The following CSMD1 variants were observed in gnomAD, a reference collection of about 807,000 sequenced individuals.
CSMD1 encodes CUB and sushi domain-containing protein 1.
In CSMD1, 213 loss-of-function variants were observed where a neutral mutation model predicts 417.5. That is an observed-to-expected ratio of 0.51 (90% CI 0.46 to 0.57). The LOEUF (loss-of-function observed/expected upper bound fraction) is 0.57. CSMD1 is among the 20% of genes least tolerant of loss of function. The pLI, the probability that CSMD1 is intolerant of heterozygous loss-of-function variation, is 0.00. For synonymous variants in CSMD1, 2,862 were observed against 1,736.8 expected, an observed-to-expected ratio of 1.65 and a Z score of -16.11; for missense variants, 6,923 against 4,529.7, an observed-to-expected ratio of 1.53 and a Z score of -15.17.
At chr8:3,313,193 C>T (rs927563513) in intron 23 of CSMD1, among the ~76,000 whole-genome samples, 4 of 152,152 alleles carry the variant, frequency 2.6e-5, no homozygotes, top group African/African-American at 9.7e-5. Context: ...CAATACCATT[C>T]AGGACATAGG....
intron 1 of CSMD1, among the ~76,000 whole-genome samples, chr8:4,831,237 G>T (rs993536399): frequency 3.3e-5 from 5 of 152,196 alleles, no homozygotes; most frequent in Non-Finnish European, 5.9e-5. Flanking sequence ...AAAAGAGGGA[G>T]AATTACAAGA....
At chr8:4,227,464 A>G (rs184765760) in intron 3 of CSMD1, among the ~76,000 whole-genome samples, 6 of 152,220 alleles carry the variant, frequency 3.9e-5, no homozygotes, top group Admixed American at 2.6e-4. Flanking sequence ...CAGAACAAGA[A>G]AAGTTTCTGA....
At chr8:4,597,742 T>A (rs1423970683) in intron 2 of CSMD1, among the ~76,000 whole-genome samples, 1 of 152,152 alleles carries the variant, frequency 6.6e-6, no homozygotes, top group Non-Finnish European at 1.5e-5. Context: ...AGTTTAGCTT[T>A]TCTTCTACTT....
intron 1 of CSMD1, among the ~76,000 whole-genome samples, chr8:4,898,643 T>C (rs565039203): frequency 3.7e-4 from 57 of 152,090 alleles, no homozygotes; most frequent in Non-Finnish European, 5.9e-4. Flanking sequence ...TTATGAAAAA[T>C]TTTTATGAAA....
intron 23 of CSMD1, 148 bp from the exon 24 acceptor site, chr8:3,308,651 T>C (rs1057145289): frequency 8.0e-6 from 5 of 625,660 alleles, no homozygotes; most frequent in African/African-American, 7.4e-5. Context: ...AAAAGAAAGA[T>C]GGGTCTGTAC....
chr8:4,084,392 T>G (rs1442839582), intron 3 of CSMD1, among the ~76,000 whole-genome samples: 1 of 152,170 alleles, frequency 6.6e-6, no homozygotes, highest in Non-Finnish European at 1.5e-5. Context: ...AATATGCGAT[T>G]TAAATTTTTT....
At chr8:4,698,198 T>A (rs1194180332) in intron 1 of CSMD1, among the ~76,000 whole-genome samples, 2 of 151,810 alleles carry the variant, frequency 1.3e-5, no homozygotes, top group Non-Finnish European at 2.9e-5. Flanking sequence ...CACCTTCATC[T>A]GTATTAATGT....
At chr8:3,305,736 G>C (rs1490478713) in intron 25 of CSMD1, among the ~76,000 whole-genome samples, 1 of 152,176 alleles carries the variant, frequency 6.6e-6, no homozygotes, top group Non-Finnish European at 1.5e-5. Flanking sequence ...TTGGAGTACA[G>C]TGGCACGATC....
chr8:3,924,632 T>C (rs1382478475), intron 5 of CSMD1, among the ~76,000 whole-genome samples: 1 of 152,214 alleles, frequency 6.6e-6, no homozygotes, highest in East Asian at 1.9e-4. Flanking sequence ...TTCTGATTGG[T>C]TGAGTCTGCT....
chr8:4,274,267 A>G (rs977072133), intron 3 of CSMD1, among the ~76,000 whole-genome samples: 2 of 152,168 alleles, frequency 1.3e-5, no homozygotes, highest in African/African-American at 4.8e-5. Flanking sequence ...TACTTCTTCT[A>G]GCTGCTACTA....
At chr8:4,087,911 C>G (rs1800505009) in intron 3 of CSMD1, among the ~76,000 whole-genome samples, 1 of 152,130 alleles carries the variant, frequency 6.6e-6, no homozygotes, top group Non-Finnish European at 1.5e-5. Context: ...AAAAAGGATG[C>G]CTGAGGTCAA....
chr8:3,156,894 G>A (rs536314916), intron 39 of CSMD1, among the ~76,000 whole-genome samples: 52 of 150,090 alleles, frequency 3.5e-4, no homozygotes, highest in African/African-American at 1.1e-3. Context: ...GGGAGGATAC[G>A]CTCAGGTGGA....
chr8:3,455,761 G>A (rs945528197), intron 12 of CSMD1, among the ~76,000 whole-genome samples: 12 of 152,236 alleles, frequency 7.9e-5, no homozygotes, highest in African/African-American at 2.9e-4. Context: ...AGGGGTCAGG[G>A]ACCCACTTGA....
At chr8:3,512,063 C>G (rs377406336) in intron 10 of CSMD1, among the ~76,000 whole-genome samples, 27 of 152,224 alleles carry the variant, frequency 1.8e-4, no homozygotes, top group African/African-American at 6.5e-4. Flanking sequence ...CTATGTGGCC[C>G]TAGAGAGTTA....
intron 26 of CSMD1, among the ~76,000 whole-genome samples, chr8:3,256,545 C>A (rs374053394): frequency 2.6e-5 from 4 of 152,072 alleles, no homozygotes; most frequent in Non-Finnish European, 2.9e-5. Flanking sequence ...ACTAAAAAAG[C>A]TATAATCTTG....
At chr8:4,540,251 C>A (rs200560221) in intron 2 of CSMD1, among the ~76,000 whole-genome samples, 1 of 152,070 alleles carries the variant, frequency 6.6e-6, no homozygotes, top group Non-Finnish European at 1.5e-5. Flanking sequence ...TAGATTCCAG[C>A]AAGAAGTAAA....
chr8:4,354,369 C>A (rs1026921654), intron 3 of CSMD1, among the ~76,000 whole-genome samples: 1 of 152,110 alleles, frequency 6.6e-6, no homozygotes, highest in African/African-American at 2.4e-5. Context: ...TATTCACAAA[C>A]CTGGTCATTT....
chr8:4,468,251 T>C (rs1800311452), intron 2 of CSMD1, among the ~76,000 whole-genome samples: 1 of 152,196 alleles, frequency 6.6e-6, no homozygotes, highest in Non-Finnish European at 1.5e-5. Context: ...GCTGGCTGAC[T>C]TCTGAGACTC....
rs146171745 is a variant in CSMD1, at chr8:4,049,103, C to T, written c.416-17004G>A. Among the ~76,000 whole-genome samples the T allele has an allele frequency of 2.6e-5, 4 of 152,254 alleles. No individual in the cohort carries two copies. The East Asian group carries it at 7.7e-4, about 29-fold the overall frequency. On this transcript the variant is annotated intron_variant, in intron 3 of 69. Coordinates refer to ENST00000635120, the MANE Select transcript of CSMD1 (RefSeq NM_033225.6). ...TGCCTCCATTTTTTTCTATCCTGCT[C>T]TCTCCACATTCTTTTATTTTTACAG...
Sources: allele counts gnomAD v4.1 joint callset (sites outside exome capture counted in the v4.1 genomes callset), GRCh38; gene constraint gnomAD v4.1.1; transcripts MANE v1.5; gene names NCBI Gene and HGNC (gene_info 2026-07-23, HGNC 2026-07-21).